Variants in ELAVL4 observed in about 807,000 individuals in gnomAD.
ELAVL4 encodes the protein ELAV-like protein 4.
Under a neutral mutation model 35.6 loss-of-function variants are expected in ELAVL4, and 1 was observed. That is an observed-to-expected ratio of 0.03 (90% confidence interval 0.01 to 0.13). ELAVL4 has a LOEUF of 0.13. Ranked by LOEUF, ELAVL4 falls within the 10% of genes least tolerant of loss-of-function variation. ELAVL4 has a pLI of 1.00. For synonymous variants in ELAVL4, 156 were observed against 171.0 expected, an observed-to-expected ratio of 0.91 and a Z score of 0.69; for missense variants, 267 against 464.9, an observed-to-expected ratio of 0.57 and a Z score of 3.91.
chr1:50,048,179 C>T (rs1663166595), exon 1 of ELAVL4: 7 of 1,523,844 alleles, frequency 4.6e-6, no homozygotes, highest in Non-Finnish European at 6.2e-6. Context: ...GCCTCAAGAA[C>T]CAGGTAGAAG....
At chr1:50,182,435 T>C (rs917931842) in intron 3 of ELAVL4, among the ~76,000 whole-genome samples, 1 of 152,188 alleles carries the variant, frequency 6.6e-6, no homozygotes, top group African/African-American at 2.4e-5. Context: ...CTGCTGGCTC[T>C]GCCTCCAGAA....
At chr1:50,071,443 C>T (rs1180918391) in intron 1 of ELAVL4, among the ~76,000 whole-genome samples, 1 of 152,042 alleles carries the variant, frequency 6.6e-6, no homozygotes, top group Non-Finnish European at 1.5e-5. Flanking sequence ...TTTATTTTTG[C>T]AAATGTAGCC....
intron 1 of ELAVL4, among the ~76,000 whole-genome samples, chr1:50,078,345 A>G (rs1361321309): frequency 6.6e-6 from 1 of 152,106 alleles, no homozygotes; most frequent in Non-Finnish European, 1.5e-5. Context: ...CTTAACTTGA[A>G]GGCATTAAAA....
intron 5 of ELAVL4, among the ~76,000 whole-genome samples, chr1:50,196,487 C>T (rs1644068525): frequency 6.6e-6 from 1 of 152,210 alleles, no homozygotes; most frequent in South Asian, 2.1e-4. Context: ...GTTTGACTTA[C>T]CCATGATAAA....
At chr1:50,085,608 G>A (rs1665205278) in intron 1 of ELAVL4, among the ~76,000 whole-genome samples, 4 of 152,208 alleles carry the variant, frequency 2.6e-5, no homozygotes. Flanking sequence ...TAGTAAGGAA[G>A]GACCTATTCA....
At chr1:50,106,606 G>A (rs1378827239), upstream of ELAVL4, among the ~76,000 whole-genome samples, 2 of 152,030 alleles carry the variant, frequency 1.3e-5, no homozygotes, top group Admixed American at 6.6e-5. Flanking sequence ...CTGATGTAGC[G>A]GTCAGCCCCT....
At chr1:50,130,460 G>C (rs1367648581) in intron 1 of ELAVL4, among the ~76,000 whole-genome samples, 1 of 152,120 alleles carries the variant, frequency 6.6e-6, no homozygotes, top group Admixed American at 6.6e-5. Context: ...TAAGTGAAGT[G>C]ATGTATGTAA....
intron 1 of ELAVL4, among the ~76,000 whole-genome samples, chr1:50,128,434 G>C (rs1018883581): frequency 6.6e-6 from 1 of 152,152 alleles, no homozygotes; most frequent in Non-Finnish European, 1.5e-5. Flanking sequence ...AGGACCTAGA[G>C]AGTCATCCAT....
intron 1 of ELAVL4, among the ~76,000 whole-genome samples, chr1:50,133,600 AAAGAAAGAAAG>A (rs1425672244): frequency 1.2e-3 from 12 of 10,306 alleles, no homozygotes; most frequent in African/African-American, 3.1e-3. Flanking sequence ...GAAAGAAAGA[AAAGAAAGAAAG>A]AAAGAAAGAA....
At chr1:50,141,148 A>G (rs189445392) in intron 1 of ELAVL4, among the ~76,000 whole-genome samples, 39 of 152,310 alleles carry the variant, frequency 2.6e-4, no homozygotes, top group Admixed American at 6.5e-4. Flanking sequence ...TCTGAAAACG[A>G]AAGATGAACC....
At chr1:50,139,997 C>T (rs1014815296) in intron 1 of ELAVL4, among the ~76,000 whole-genome samples, 7 of 152,146 alleles carry the variant, frequency 4.6e-5, no homozygotes, top group Non-Finnish European at 1.0e-4. Context: ...AATTTTCTGC[C>T]TGTATAATGT....
At chr1:50,165,560 A>G (rs983086101) in intron 2 of ELAVL4, among the ~76,000 whole-genome samples, 1 of 148,592 alleles carries the variant, frequency 6.7e-6, no homozygotes, top group Admixed American at 6.8e-5. Context: ...GTATATATGC[A>G]TATACACACA....
At chr1:50,079,452 C>A (rs1167089674) in intron 1 of ELAVL4, among the ~76,000 whole-genome samples, 1 of 152,130 alleles carries the variant, frequency 6.6e-6, no homozygotes, top group Non-Finnish European at 1.5e-5. Flanking sequence ...GCTAAGATAG[C>A]CTTTCAAAAT....
intron 1 of ELAVL4, among the ~76,000 whole-genome samples, chr1:50,097,148 AG>A (rs2148510368): frequency 6.6e-6 from 1 of 152,278 alleles, no homozygotes; most frequent in African/African-American, 2.4e-5. Flanking sequence ...TAAGCCTGAG[AG>A]GTCCAGGCTG....
At chr1:50,090,817 T>G (rs970072581) in intron 1 of ELAVL4, among the ~76,000 whole-genome samples, 1 of 152,174 alleles carries the variant, frequency 6.6e-6, no homozygotes, top group Admixed American at 6.5e-5. Flanking sequence ...GCTCAATCAC[T>G]CAGCCCCACT....
At position 50,078,753 on chromosome 1, in the gene ELAVL4, C is replaced by T. The variant is rs1295295210; in HGVS notation, c.18+30571C>T. On this transcript the variant is annotated intron_variant, in intron 1 of 6. Coordinates refer to the ELAVL4 transcript ENST00000448907. ...AAGGTGCCTGTGGTGCTTGCAGTCT[C>T]CCTGGAATGTCTTCTGTGCTCTCCC... Among the ~76,000 whole-genome samples the T allele has an allele frequency of 2.6e-5, 4 of 152,150 alleles. No homozygotes were observed. In the East Asian group the frequency reaches 7.7e-4, roughly 29 times the overall value.
Position 50,109,015 on chromosome 1 carries a change from T to TCCCCTCC in ELAVL4, c.-171_-170insTCCCCCC. The TCCCCTCC allele has an allele frequency of 1.0e-6, 1 of 961,076 alleles. No individual in the cohort carries two copies. The highest frequency in any genetic ancestry group is 4.7e-5 in the South Asian group (1 of 21,226). 59.5% of individuals were successfully genotyped at this position (961,076 alleles called of 1,614,324 possible). On this transcript the variant is annotated 5_prime_UTR_variant, in exon 1 of 7. Coordinates refer to ENST00000371824, the MANE Select transcript of ELAVL4 (RefSeq NM_001144774.3). The stretch of plus-strand genomic sequence containing the variant: ...GCTCCTTTTCTTTTTTTTCTTTCTC[T>TCCCCTCC]CCCCCGCCCACCCCCCCAAAAATAA...
At chr1:50,108,303 C>G (rs1488569658), upstream of ELAVL4, among the ~76,000 whole-genome samples, 1 of 152,110 alleles carries the variant, frequency 6.6e-6, no homozygotes, top group African/African-American at 2.4e-5. Context: ...GTTCACGGAG[C>G]AAGCTTAATC....
intron 1 of ELAVL4, among the ~76,000 whole-genome samples, chr1:50,059,063 C>T (rs115141583): frequency 2.7e-3 from 406 of 152,196 alleles, no homozygotes; most frequent in African/African-American, 9.5e-3. Context: ...ATTTTTCAGT[C>T]TCTGGGTCCA....
Sources: gnomAD v4.1 joint callset for allele counts (sites outside exome capture counted in the v4.1 genomes callset) on GRCh38, gnomAD v4.1.1 for gene constraint, MANE v1.5 for transcripts, NCBI Gene and HGNC (gene_info 2026-07-23, HGNC 2026-07-21) for gene names.